Variants in C9 observed in about 807,000 individuals in gnomAD.
C9 encodes the protein complement component C9.
In C9, 63 loss-of-function variants were observed where a neutral mutation model predicts 65.4. That is an observed-to-expected ratio of 0.96 (90% CI 0.79 to 1.19). The LOEUF (loss-of-function observed/expected upper bound fraction) is 1.19. C9 is among the 50% of genes most tolerant of loss of function. C9 has a pLI of 0.00. For missense variants in C9, 744 were observed against 670.1 expected (o/e 1.11, Z -1.22); for synonymous variants, 229 against 227.9 (o/e 1.00, Z -0.04).
At chr5:39,346,800 A>G (rs1320465076) in intron 1 of C9, among the ~76,000 whole-genome samples, 1 of 152,134 alleles carries the variant, frequency 6.6e-6, no homozygotes, top group Non-Finnish European at 1.5e-5. Flanking sequence ...GAATCCAGCA[A>G]CACATCAAAA....
intron 7 of C9, among the ~76,000 whole-genome samples, chr5:39,310,546 T>G (rs1161981706): frequency 6.6e-6 from 1 of 152,032 alleles, no homozygotes; most frequent in African/African-American, 2.4e-5. Flanking sequence ...ATGGCCCTTT[T>G]CCCCATGATT....
At chr5:39,297,469 C>A (rs112535769) in intron 9 of C9, among the ~76,000 whole-genome samples, 6 of 151,492 alleles carry the variant, frequency 4.0e-5, no homozygotes, top group African/African-American at 1.4e-4. Context: ...AATAGCAAGA[C>A]CCAACTATAT....
chr5:39,334,036 C>T (rs545969409), intron 4 of C9, among the ~76,000 whole-genome samples: 68 of 152,154 alleles, frequency 4.5e-4, no homozygotes, highest in South Asian at 1.5e-3. Context: ...GCCGCCACCC[C>T]GTCTGGGAAG....
chr5:39,350,270 C>A (rs1305886789), intron 1 of C9, among the ~76,000 whole-genome samples: 3 of 152,182 alleles, frequency 2.0e-5, no homozygotes, highest in Non-Finnish European at 4.4e-5. Context: ...ACGATTTAAT[C>A]ACTTTCCGAC....
At chr5:39,346,347 T>C (rs532390154) in intron 1 of C9, among the ~76,000 whole-genome samples, 68 of 152,218 alleles carry the variant, frequency 4.5e-4, no homozygotes, top group East Asian at 9.6e-4. Flanking sequence ...ATATCACCAC[T>C]GATCCCACAG....
intron 4 of C9, among the ~76,000 whole-genome samples, chr5:39,338,256 G>A (rs3822462): frequency 0.093 from 14,118 of 152,120 alleles, 826 homozygotes; most frequent in African/African-American, 0.17. Flanking sequence ...TTAAGGTGTC[G>A]AAGTTAAGAC....
chr5:39,289,149 G>C (rs1016622804), intron 9 of C9, among the ~76,000 whole-genome samples, 198 bp from the exon 10 acceptor site: 4 of 151,766 alleles, frequency 2.6e-5, no homozygotes, highest in South Asian at 4.2e-4. Flanking sequence ...GTCATATTAC[G>C]GAGTTAAGGA....
intron 1 of C9, among the ~76,000 whole-genome samples, chr5:39,352,219 T>G (rs1480765701): frequency 1.3e-5 from 2 of 152,174 alleles, no homozygotes; most frequent in African/African-American, 4.8e-5. Flanking sequence ...CTCCCATAAT[T>G]AAATCACCTT....
intron 9 of C9, among the ~76,000 whole-genome samples, chr5:39,293,041 C>T (rs1157139288): frequency 6.6e-6 from 1 of 151,562 alleles, no homozygotes; most frequent in Non-Finnish European, 1.5e-5. Context: ...CAGGGGGAAG[C>T]AGAAAGGCAT....
At chr5:39,291,234 G>T (rs924289968) in intron 9 of C9, among the ~76,000 whole-genome samples, 2 of 149,396 alleles carry the variant, frequency 1.3e-5, no homozygotes, top group Non-Finnish European at 3.0e-5. Context: ...TTTTAGCAAA[G>T]AACTGGAAGT....
intron 9 of C9, among the ~76,000 whole-genome samples, chr5:39,289,305 G>T (rs1753048080): frequency 6.6e-6 from 1 of 151,708 alleles, no homozygotes; most frequent in African/African-American, 2.4e-5. Flanking sequence ...CATATTTTGT[G>T]AATTGTTTTT....
chr5:39,347,676 G>A (rs1217589948), intron 1 of C9, among the ~76,000 whole-genome samples: 2 of 152,082 alleles, frequency 1.3e-5, no homozygotes, highest in Admixed American at 1.3e-4. Flanking sequence ...CTACTTTAAA[G>A]TTCATATGGA....
chr5:39,359,098 G>GTATATATATA (rs1375624632), intron 1 of C9, among the ~76,000 whole-genome samples: 81 of 96,440 alleles, frequency 8.4e-4, no homozygotes, highest in African/African-American at 3.1e-3. Flanking sequence ...ATGTGTGTGT[G>GTATATATATA]TGTGTATATA....
intron 10 of C9, among the ~76,000 whole-genome samples, chr5:39,288,172 C>T (rs908721825): frequency 6.6e-6 from 1 of 151,412 alleles, no homozygotes; most frequent in African/African-American, 2.4e-5. Context: ...TTAGTACAAG[C>T]ACAAAAATAT....
intron 5 of C9, among the ~76,000 whole-genome samples, chr5:39,319,903 T>TC (rs1011034963): frequency 1.3e-5 from 2 of 152,070 alleles, no homozygotes; most frequent in African/African-American, 4.8e-5. Context: ...CTCCAGGCCT[T>TC]CCCCAGTGAA....
At chr5:39,345,195 G>A (rs897239062) in intron 1 of C9, among the ~76,000 whole-genome samples, 6 of 152,228 alleles carry the variant, frequency 3.9e-5, no homozygotes, top group Non-Finnish European at 7.4e-5. Flanking sequence ...TGCAAAATGG[G>A]CTAAATGCGC....
intron 1 of C9, among the ~76,000 whole-genome samples, chr5:39,352,204 G>A (rs1754335765): frequency 6.6e-6 from 1 of 152,166 alleles, no homozygotes. Flanking sequence ...CAAGGGGGAA[G>A]TCCACTCCCA....
At chr5:39,350,086 T>G (rs1042673644) in intron 1 of C9, among the ~76,000 whole-genome samples, 3 of 152,136 alleles carry the variant, frequency 2.0e-5, no homozygotes, top group African/African-American at 7.2e-5. Flanking sequence ...ATGGGAGGCA[T>G]GACTGGGAAG....
intron 1 of C9, 39 bp from the exon 2 acceptor site, chr5:39,342,235 T>G: frequency 9.4e-7 from 1 of 1,066,830 alleles, no homozygotes; most frequent in Non-Finnish European, 1.5e-6. Context: ...ATGACCATTG[T>G]GTATATCTGT....
Sources: gnomAD v4.1 joint callset for allele counts (sites outside exome capture counted in the v4.1 genomes callset) on GRCh38, gnomAD v4.1.1 for gene constraint, MANE v1.5 for transcripts, NCBI Gene and HGNC (gene_info 2026-07-23, HGNC 2026-07-21) for gene names.